NLN: variants seen among roughly 807,000 people sequenced by gnomAD.
The protein encoded by NLN is neurolysin, mitochondrial.
A neutral mutation model predicts 79.9 loss-of-function variants in NLN; 64 were observed. The ratio of observed to expected loss-of-function variants is 0.80; its 90% CI spans 0.65 to 0.99. NLN has a LOEUF of 0.99. NLN is among the 50% of genes least tolerant of loss of function. The pLI is 0.00. For synonymous variants in NLN, 267 were observed against 296.6 expected (o/e 0.90, Z 1.02); for missense variants, 835 against 858.7 (o/e 0.97, Z 0.34).
intron 12 of NLN, among the ~76,000 whole-genome samples, chr5:65,818,038 G>T (rs1021266619): frequency 6.6e-6 from 1 of 152,108 alleles, no homozygotes; most frequent in African/African-American, 2.4e-5. Flanking sequence ...CTCAGGTTTC[G>T]CCTGACTTGA....
chr5:65,780,234 A>C lies in NLN; in HGVS notation c.614A>C (p.Asn205Thr). Residue 205 changes from asparagine (N) to threonine (T), a missense_variant, in exon 5 of 13, where the codon AAC (asparagine) becomes ACC (threonine). Coordinates refer to ENST00000380985, the MANE Select transcript of NLN (RefSeq NM_020726.5). ...GAGCTATGTATTGATTTTAACAAAA[A>C]CCTCAATGAGGATGATACCTTCCTT... The part of the protein sequence containing the change: ...MSELCIDFNK[N>T]LNEDDTFLVF... 4.7e-6 allele frequency: 7 copies of C among 1,499,226 alleles called. No individual in the cohort carries two copies. Among genetic ancestry groups the C allele is most frequent in the Non-Finnish European group, 6.5e-6 (7 of 1,084,806 alleles). 92.9% of individuals were successfully genotyped at this position (1,499,226 alleles called of 1,614,324 possible).
intron 1 of NLN, among the ~76,000 whole-genome samples, chr5:65,728,716 A>G (rs917937788): frequency 3.9e-5 from 6 of 152,210 alleles, no homozygotes; most frequent in Admixed American, 3.3e-4. Flanking sequence ...TTCAGTGAGT[A>G]TAATTCCTAA....
intron 11 of NLN, among the ~76,000 whole-genome samples, chr5:65,810,929 T>C (rs192085102): frequency 5.3e-4 from 81 of 152,168 alleles, no homozygotes; most frequent in African/African-American, 1.8e-3. Flanking sequence ...CAGCGAGCCA[T>C]GATTGCACCA....
chr5:65,788,275 G>A lies in NLN; in HGVS notation c.1116G>A (p.Lys372=). Residue 372 remains lysine (K), a synonymous_variant, in exon 8 of 13, where the codon AAG becomes AAA. Coordinates refer to ENST00000380985, the MANE Select transcript of NLN (RefSeq NM_020726.5). ...YYYMTQTEEL[K]YSIDQEFLKE... ...ACATGACTCAGACAGAGGAACTCAA[G>A]TATTCCATAGACCAAGAGTTCCTCA... 1 of 1,614,162 alleles carries A rather than the reference G, an allele frequency of 6.2e-7. No homozygotes were observed. Among genetic ancestry groups the A allele is most frequent in the Non-Finnish European group, 8.5e-7 (1 of 1,179,996 alleles).
Position 65,744,163 on chromosome 5 carries a change from T to C in NLN, c.42-14404T>C, listed in dbSNP as rs563489519. On this transcript the variant is annotated intron_variant, in intron 1 of 12. Coordinates refer to ENST00000380985, the MANE Select transcript of NLN (RefSeq NM_020726.5). Reference sequence around the variant, plus strand: ...CTGACCTCCTGGGATCAAGTGAGCGTCCCAAGTAGCTGGGACTATAGATGA... The same window carrying C: ...CTGACCTCCTGGGATCAAGTGAGCGCCCCAAGTAGCTGGGACTATAGATGA... Among the ~76,000 whole-genome samples, 20 of 152,288 alleles carry C rather than the reference T, an allele frequency of 1.3e-4. No homozygotes were observed. In the South Asian group the frequency reaches 3.9e-3, roughly 30 times the overall value.
intron 6 of NLN, among the ~76,000 whole-genome samples, chr5:65,783,371 C>T (rs758353743): frequency 2.0e-5 from 3 of 152,074 alleles, no homozygotes; most frequent in Non-Finnish European, 4.4e-5. Context: ...GCTCTACCAT[C>T]CTCAGGGTGT....
intron 12 of NLN, among the ~76,000 whole-genome samples, chr5:65,820,902 G>T (rs1197924602): frequency 1.3e-5 from 2 of 151,560 alleles, no homozygotes; most frequent in South Asian, 4.2e-4. Flanking sequence ...AATGAGCCAG[G>T]TGTGGTGGTG....
chr5:65,789,141 T>C (rs749302293), intron 8 of NLN, among the ~76,000 whole-genome samples: 1 of 152,066 alleles, frequency 6.6e-6, no homozygotes, highest in Non-Finnish European at 1.5e-5. Context: ...TCTAAAAAAA[T>C]TAATTTAAAA....
chr5:65,798,756 T>A (rs1760220102), intron 9 of NLN, among the ~76,000 whole-genome samples: 1 of 152,272 alleles, frequency 6.6e-6, no homozygotes, highest in African/African-American at 2.4e-5. Flanking sequence ...AACCAAAATA[T>A]GAATGTATTA....
At chr5:65,815,403 CTGGGT>C (rs1760648304) in intron 12 of NLN, among the ~76,000 whole-genome samples, 1 of 152,218 alleles carries the variant, frequency 6.6e-6, no homozygotes, top group Admixed American at 6.5e-5. Flanking sequence ...GACAAAGGTG[CTGGGT>C]TGAACTTAGA....
intron 1 of NLN, among the ~76,000 whole-genome samples, chr5:65,728,844 G>A (rs946548081): frequency 1.3e-5 from 2 of 152,148 alleles, no homozygotes; most frequent in Admixed American, 1.3e-4. Context: ...TTTTCTTGGT[G>A]TTTTTGTTTG....
At chr5:65,751,966 G>T (rs932774469) in intron 1 of NLN, among the ~76,000 whole-genome samples, 6 of 152,292 alleles carry the variant, frequency 3.9e-5, no homozygotes, top group South Asian at 4.1e-4. Flanking sequence ...TTGGCCTGGT[G>T]CAGTGGCGTA....
intron 1 of NLN, among the ~76,000 whole-genome samples, chr5:65,737,236 G>A (rs1941006972): frequency 6.6e-6 from 1 of 151,998 alleles, no homozygotes; most frequent in South Asian, 2.1e-4. Context: ...TGCCCTCATG[G>A]GTTTATCCCC....
intron 1 of NLN, among the ~76,000 whole-genome samples, chr5:65,723,607 G>A (rs1347554070): frequency 2.6e-5 from 4 of 151,980 alleles, no homozygotes; most frequent in South Asian, 4.1e-4. Flanking sequence ...GAGGTCAGGA[G>A]ATCGAGACCA....
chr5:65,752,633 G>A (rs767329774), intron 1 of NLN, among the ~76,000 whole-genome samples: 7 of 152,178 alleles, frequency 4.6e-5, no homozygotes, highest in Admixed American at 1.3e-4. Flanking sequence ...AGGGGAAGAC[G>A]AGATCAATGT....
intron 11 of NLN, among the ~76,000 whole-genome samples, chr5:65,811,833 C>A (rs907195916): frequency 6.6e-5 from 10 of 152,048 alleles, no homozygotes; most frequent in African/African-American, 2.4e-4. Context: ...AAAAAAAGTT[C>A]TTTTTCAGTA....
intron 3 of NLN, 44 bp downstream of exon 3, chr5:65,763,152 A>G: frequency 6.7e-7 from 1 of 1,493,364 alleles, no homozygotes; most frequent in Non-Finnish European, 9.2e-7. Flanking sequence ...AAAACTCTAC[A>G]ACAAAAAAGA....
chr5:65,815,749 GT>G (rs1396842180), intron 12 of NLN, among the ~76,000 whole-genome samples: 1 of 151,810 alleles, frequency 6.6e-6, no homozygotes, highest in Non-Finnish European at 1.5e-5. Flanking sequence ...ACTATTTGGG[GT>G]TTTTTGTTGG....
chr5:65,802,653 G>A (rs971574407), intron 9 of NLN, among the ~76,000 whole-genome samples: 1 of 152,192 alleles, frequency 6.6e-6, no homozygotes, highest in African/African-American at 2.4e-5. Context: ...GGAGGTATAC[G>A]AACAAGTGGA....
Sources: allele counts gnomAD v4.1 joint callset (sites outside exome capture counted in the v4.1 genomes callset), GRCh38; gene constraint gnomAD v4.1.1; transcripts MANE v1.5; gene names NCBI Gene and HGNC (gene_info 2026-07-23, HGNC 2026-07-21).